Variants in DVL2 observed in about 807,000 individuals in gnomAD.
DVL2 encodes segment polarity protein dishevelled homolog DVL-2.
In DVL2, 38 loss-of-function variants were observed where a neutral mutation model predicts 69.8. The ratio of observed to expected loss-of-function variants is 0.54; its 90% CI spans 0.42 to 0.71. DVL2 has a LOEUF of 0.71. Among genes scored for constraint, DVL2 ranks in the 30% least tolerant of loss-of-function variants. The pLI is 0.00. For missense variants in DVL2, 931 were observed against 1,008.1 expected (o/e 0.92, Z 1.04); for synonymous variants, 428 against 392.4 (o/e 1.09, Z -1.07).
At chr17:7,228,717 G>A in intron 9 of DVL2, 1 of 469,348 alleles carries the variant, frequency 2.1e-6, no homozygotes, top group East Asian at 4.1e-5. Flanking sequence ...CACTAGCTGG[G>A]ACTACAGGCA....
intron 1 of DVL2, among the ~76,000 whole-genome samples, chr17:7,231,357 G>A (rs141370506): frequency 6.6e-6 from 1 of 151,100 alleles, no homozygotes; most frequent in East Asian, 2.0e-4. Flanking sequence ...CAGCTACTCA[G>A]GAGGCTGAGA....
Position 7,230,066 on chromosome 17 carries a change from C to T in DVL2, c.500G>A (p.Arg167Lys). 1.2e-6 allele frequency: 2 copies of T among 1,614,158 alleles called. No homozygotes were observed. The highest frequency in any genetic ancestry group is 1.7e-6 in the Non-Finnish European group (2 of 1,180,038). Reference sequence around the variant, plus strand: ...CTCACCGCCATGCTCACTGCTGTCTCTCCTGCGAGGCCGCTCCCGCCTCAG... The same window carrying T: ...CTCACCGCCATGCTCACTGCTGTCTTTCCTGCGAGGCCGCTCCCGCCTCAG... ...VSLRRERPRR[R>K]DSSEHGAGGH... Residue 167 changes from arginine (R) to lysine (K), a missense_variant, in exon 4 of 15, where the codon AGA becomes AAA. By Grantham distance (26) the Arg-to-Lys change is conservative (BLOSUM62 2). This residue lies in a region of DVL2 where 555 missense variants were observed against 588.8 expected (regional missense o/e 0.94). Transcript: ENST00000005340.
chr17:7,229,508 G>T lies in DVL2; in HGVS notation c.748-61C>A. On this transcript the variant is annotated intron_variant, in intron 6 of 14. Transcript: ENST00000005340. The surrounding 1 kb of genome is among the most constrained non-coding windows in gnomAD (Gnocchi z 4.4). ...AACCCAGGGTCAACCCTGGGGTGCTGCCGGTGTCCTGGCACCGCCCAAACC... is the reference window on the plus strand; with the variant it reads ...AACCCAGGGTCAACCCTGGGGTGCTTCCGGTGTCCTGGCACCGCCCAAACC... 1 of 1,612,400 alleles carries T rather than the reference G, an allele frequency of 6.2e-7. No individual in the cohort carries two copies.
intron 13 of DVL2, 183 bp from the exon 14 acceptor site, chr17:7,226,822 A>C: frequency 1.6e-6 from 1 of 634,250 alleles, no homozygotes; most frequent in Non-Finnish European, 2.7e-6. Context: ...GCAGGGGCAC[A>C]GCCACTAGCC....
Position 7,227,407 on chromosome 17 carries a change from G to A in DVL2, c.1360C>T (p.Leu454=). The A allele has an allele frequency of 3.1e-6, 5 of 1,613,840 alleles. No individual in the cohort carries two copies. Among genetic ancestry groups the A allele is most frequent in the Non-Finnish European group, 4.2e-6 (5 of 1,179,742 alleles). ...WLKITIPNAF[L]GSDVVDWLYH... Reference sequence around the variant, plus strand: ...CCTGCCCAGGACCCAGCCATACCCAGAAAGGCATTAGGGATGGTGATCTTG... The same window carrying A: ...CCTGCCCAGGACCCAGCCATACCCAAAAAGGCATTAGGGATGGTGATCTTG... Residue 454 remains leucine, a synonymous_variant, in exon 12 of 15, where the codon CTG becomes TTG. Coordinates refer to ENST00000005340, the MANE Select transcript of DVL2 (RefSeq NM_004422.3).
Position 7,233,924 on chromosome 17 carries a change from T to C in DVL2, c.194+145A>G, listed in dbSNP as rs561392027. 1.3e-4 allele frequency: 107 copies of C among 831,162 alleles called. 3 individuals are homozygous for C. The highest frequency in any genetic ancestry group is 7.8e-4 in the African/African-American group (46 of 59,066). 51.5% of individuals were successfully genotyped at this position (831,162 alleles called of 1,614,324 possible). A position where few individuals can be genotyped will look rare whatever the true frequency, so the allele number is the denominator to read the frequency against. On this transcript the variant is annotated intron_variant, in intron 1 of 14. Coordinates refer to ENST00000005340, the MANE Select transcript of DVL2 (RefSeq NM_004422.3). ...AAGCATAACCTTGTCCATCCTGGGATAGTCAACCTACCTCAGCATAGTACA... is the reference window on the plus strand; with the variant it reads ...AAGCATAACCTTGTCCATCCTGGGACAGTCAACCTACCTCAGCATAGTACA...
At chr17:7,231,879 A>C (rs980738681) in intron 1 of DVL2, among the ~76,000 whole-genome samples, 8 of 151,826 alleles carry the variant, frequency 5.3e-5, no homozygotes, top group Admixed American at 1.3e-4. Context: ...AAAAAAAAAA[A>C]AAACCACCCA....
At chr17:7,230,494 A>T in intron 2 of DVL2, 64 bp from the exon 3 acceptor site, 1 of 1,593,094 alleles carries the variant, frequency 6.3e-7, no homozygotes, top group Non-Finnish European at 8.6e-7. Context: ...GGTGGCAGTA[A>T]GTGAAAGAAT....
At chr17:7,233,725 G>A (rs994500227) in intron 1 of DVL2, among the ~76,000 whole-genome samples, 2 of 152,206 alleles carry the variant, frequency 1.3e-5, no homozygotes, top group East Asian at 3.8e-4. Context: ...TGGGATTACA[G>A]GCGTTACAGG....
rs763580694 is a variant in DVL2, at chr17:7,229,354, C to T, written c.817+24G>A. 6.2e-7 allele frequency: 1 copy of T among 1,613,834 alleles called. No individual in the cohort carries two copies. Among genetic ancestry groups the T allele is most frequent in the South Asian group, 1.1e-5 (1 of 91,070 alleles). On this transcript the variant is annotated intron_variant, in intron 7 of 14. Transcript: ENST00000005340. The surrounding 1 kb of genome is among the most constrained non-coding windows in gnomAD (Gnocchi z 4.4). ...CCTAGAGACCAGGCCCTCCCCACGC[C>T]CTAGCCACAGGCTCTCCCCATACCC...
Position 7,234,144 on chromosome 17 carries a change from A to T in DVL2, c.119T>A (p.Leu40His). 6.2e-7 allele frequency: 1 copy of T among 1,614,066 alleles called. No individual in the cohort carries two copies. Among genetic ancestry groups the T allele is most frequent in the Non-Finnish European group, 8.5e-7 (1 of 1,179,994 alleles). The stretch of plus-strand genomic sequence containing the variant: ...CTGCAGGACGCTCTTGAAATCGCCG[A>T]GGGTGATGCGCTCGGCGGGGACAGG... Reference protein sequence around the residue: ...KIPVPAERITLGDFKSVLQRP... With the variant: ...KIPVPAERITHGDFKSVLQRP... Residue 40 changes from leucine to histidine, a missense_variant, in exon 1 of 15, where the codon CTC becomes CAC. Transcript: ENST00000005340.
Position 7,234,455 on chromosome 17 carries a change from C to A in DVL2, c.-193G>T. On this transcript the variant is annotated 5_prime_UTR_variant, in exon 1 of 15. Coordinates refer to ENST00000005340, the MANE Select transcript of DVL2 (RefSeq NM_004422.3). ...GCGGGCCGCGGGGTGCGACTCAAAGCCCCGGTCTCAGCGGCCGCCGCGCGC... is the reference window on the plus strand; with the variant it reads ...GCGGGCCGCGGGGTGCGACTCAAAGACCCGGTCTCAGCGGCCGCCGCGCGC... 3.1e-6 allele frequency: 2 copies of A among 646,662 alleles called. No individual in the cohort carries two copies. Among genetic ancestry groups the A allele is most frequent in the Middle Eastern group, 4.3e-4 (1 of 2,332 alleles). 40.1% of individuals were successfully genotyped at this position (646,662 alleles called of 1,614,324 possible).
chr17:7,228,839 C>T (rs2071497427), intron 9 of DVL2, 130 bp downstream of exon 9: 1 of 882,746 alleles, frequency 1.1e-6, no homozygotes, highest in Non-Finnish European at 1.8e-6. Context: ...ATCTGGGCCT[C>T]CCAAAGTGCT....
intron 1 of DVL2, among the ~76,000 whole-genome samples, chr17:7,233,601 C>G (rs371755989): frequency 3.3e-5 from 5 of 152,128 alleles, no homozygotes; most frequent in African/African-American, 1.2e-4. Flanking sequence ...CGTGCCCCCA[C>G]GCCCGGCTAA....
intron 2 of DVL2, 58 bp downstream of exon 2, chr17:7,230,670 G>C: frequency 6.5e-7 from 1 of 1,535,242 alleles, no homozygotes; most frequent in South Asian, 1.2e-5. Context: ...ACAGACTGAG[G>C]CTTGAGGGAG....
rs780832605 is a variant in DVL2, at chr17:7,230,039, C to T, written c.520+7G>A. 3 of 1,613,708 alleles carry T rather than the reference C, an allele frequency of 1.9e-6. No individual in the cohort carries two copies. In the South Asian group the frequency reaches 3.3e-5, roughly 18 times the overall value. ...AGCCCTTCCCGGCCCCCAGGCCTGC[C>T]CCTCACCGCCATGCTCACTGCTGTC... On this transcript the variant is annotated splice_region_variant and intron_variant, in intron 4 of 14. Transcript: ENST00000005340.
intron 1 of DVL2, among the ~76,000 whole-genome samples, chr17:7,232,049 T>G (rs879782673): frequency 2.0e-5 from 3 of 152,040 alleles, no homozygotes; most frequent in Non-Finnish European, 2.9e-5. Context: ...TGGGGTCATC[T>G]CTCCAATGGG....
chr17:7,227,447 C>T lies in DVL2; in HGVS notation c.1320G>A (p.Arg440=). The T allele has an allele frequency of 6.2e-7, 1 of 1,614,228 alleles. No homozygotes were observed. The highest frequency in any genetic ancestry group is 8.5e-7 in the Non-Finnish European group (1 of 1,180,046). Residue 440 remains arginine, a synonymous_variant, in exon 12 of 15, where the codon CGG becomes CGA. Transcript: ENST00000005340. The part of the protein sequence containing the change: ...MAAPESGLEV[R]DRMWLKITIP... ...TGGTGATCTTGAGCCACATGCGGTC[C>T]CGGACTTCCAGTCCAGACTCTGGAG...
chr17:7,234,036 C>G lies in DVL2; in HGVS notation c.194+33G>C, dbSNP rs1370540542. ...TGTCGCCCAATCCACTCTAGCAAAGCCCCCGCCGGTCCTATCTAGGCCTTG... is the reference window on the plus strand; with the variant it reads ...TGTCGCCCAATCCACTCTAGCAAAGGCCCCGCCGGTCCTATCTAGGCCTTG... On this transcript the variant is annotated intron_variant, in intron 1 of 14. Coordinates refer to ENST00000005340, the MANE Select transcript of DVL2 (RefSeq NM_004422.3). 3.1e-6 allele frequency: 5 copies of G among 1,609,384 alleles called. No individual in the cohort carries two copies. In the Admixed American group the frequency reaches 6.7e-5, roughly 22 times the overall value.
Sources: allele counts gnomAD v4.1 joint callset (sites outside exome capture counted in the v4.1 genomes callset), GRCh38; gene constraint gnomAD v4.1.1; regional missense constraint gnomAD v4.1.1; non-coding constraint Gnocchi (gnomAD v3.1); transcripts MANE v1.5; gene names NCBI Gene and HGNC (gene_info 2026-07-23, HGNC 2026-07-21).